Variants in METTL6 observed in about 807,000 individuals in gnomAD.
METTL6 encodes the protein methyltransferase 6, tRNA N3-cytidine, also known as tRNA N(3)-cytidine methyltransferase METTL6.
METTL6 carries 22 observed loss-of-function variants against 26.4 expected under a neutral mutation model. The ratio of observed to expected loss-of-function variants is 0.83; its 90% CI spans 0.59 to 1.19. METTL6 has a LOEUF of 1.19. Ranked by LOEUF, METTL6 falls within the 50% of genes most tolerant of loss-of-function variation. The pLI, the probability that METTL6 is intolerant of heterozygous loss-of-function variation, is 0.00. For synonymous variants in METTL6, 109 were observed against 116.2 expected (o/e 0.94, Z 0.40); for missense variants, 304 against 324.8 (o/e 0.94, Z 0.49).
intron 6 of METTL6, among the ~76,000 whole-genome samples, chr3:15,392,977 C>A (rs975527181): frequency 5.3e-5 from 8 of 152,148 alleles, no homozygotes; most frequent in African/African-American, 1.9e-4. Context: ...CTTGGCAATG[C>A]GGGCTCTTTT....
chr3:15,400,560 C>A (rs1699612757), intron 6 of METTL6, among the ~76,000 whole-genome samples: 1 of 152,132 alleles, frequency 6.6e-6, no homozygotes, highest in South Asian at 2.1e-4. Flanking sequence ...TCATTTAGCT[C>A]ATGGTGGGTA....
At chr3:15,405,371 C>T (rs567646341), downstream of METTL6, among the ~76,000 whole-genome samples, 3 of 152,174 alleles carry the variant, frequency 2.0e-5, no homozygotes, top group East Asian at 1.9e-4. Context: ...CCAGTGAGGC[C>T]AAAATTGATC....
chr3:15,425,193 C>A (rs941631367), intron 2 of METTL6, 104 bp from the exon 3 acceptor site: 2 of 1,226,992 alleles, frequency 1.6e-6, no homozygotes, highest in African/African-American at 3.0e-5. Flanking sequence ...CCCCATGGAG[C>A]AGACGATCAA....
chr3:15,424,249 T>C (rs551377054), intron 3 of METTL6, among the ~76,000 whole-genome samples: 6 of 152,304 alleles, frequency 3.9e-5, no homozygotes, highest in Admixed American at 6.5e-5. Flanking sequence ...TGGATGTTAA[T>C]AACATTGGGG....
chr3:15,398,450 T>C (rs571876119), intron 6 of METTL6, among the ~76,000 whole-genome samples: 1 of 152,232 alleles, frequency 6.6e-6, no homozygotes, highest in South Asian at 2.1e-4. Flanking sequence ...TGTCTCAGCC[T>C]CCCAAAGTGC....
intron 6 of METTL6, among the ~76,000 whole-genome samples, chr3:15,393,665 C>T (rs191448349): frequency 2.6e-5 from 4 of 152,198 alleles, no homozygotes; most frequent in African/African-American, 9.6e-5. Flanking sequence ...TTTTGAGATA[C>T]GTCCCATCAG....
intron 3 of METTL6, among the ~76,000 whole-genome samples, chr3:15,419,884 C>G (rs2061572611): frequency 7.5e-6 from 1 of 133,842 alleles, no homozygotes; most frequent in African/African-American, 2.9e-5. Context: ...TTTTTTGAGA[C>G]AGAGTCTCGC....
At chr3:15,409,369 C>CATTCCTTAACCT (rs1699885609), downstream of METTL6, among the ~76,000 whole-genome samples, 1 of 152,076 alleles carries the variant, frequency 6.6e-6, no homozygotes, top group Non-Finnish European at 1.5e-5. Flanking sequence ...AGGCTCAACT[C>CATTCCTTAACCT]GTGAGCAGAA....
rs574695685 is a variant in METTL6 at position 15,417,486 on chromosome 3, A to AATAAATAG, written c.361-1545_361-1544insCTATTTAT. On this transcript the variant is annotated intron_variant, in intron 3 of 5. Coordinates refer to ENST00000383790, the MANE Select transcript of METTL6 (RefSeq NM_152396.4). ...AAATAAATAAATAAATAAATAAATA[A>AATAAATAG]AATAGAATGAAGAATAATAAAGGAG... 1.9e-3 allele frequency among the ~76,000 whole-genome samples: 287 copies of AATAAATAG among 150,962 alleles called. 2 individuals carry two copies. The highest frequency in any genetic ancestry group is 0.014 in the Middle Eastern group (4 of 292).
In METTL6 at chr3:15,425,022, A is replaced by C. The variant is rs202091762; in HGVS notation, c.293T>G (p.Leu98Ter). Residue 98 changes from leucine to a stop codon, truncating the protein, a stop_gained, in exon 3 of 6, where the codon TTA (leucine) becomes TGA (stop). Transcript: ENST00000383790. LOFTEE classifies it high-confidence loss of function. The stretch of plus-strand genomic sequence containing the variant: ...GGCAAAGATATTCGGATCTTCTTCT[A>C]AAAGTGGGAATAAACAGTTTCCAAC... ...CGVGNCLFPL[L>*]EEDPNIFAYA... 6.2e-7 allele frequency: 1 copy of C among 1,614,218 alleles called. No individual in the cohort carries two copies. Among genetic ancestry groups the C allele is most frequent in the Non-Finnish European group, 8.5e-7 (1 of 1,180,028 alleles).
At chr3:15,423,571 A>G (rs902210190) in intron 3 of METTL6, among the ~76,000 whole-genome samples, 80 of 152,102 alleles carry the variant, frequency 5.3e-4, no homozygotes, top group Non-Finnish European at 1.1e-3. Context: ...CATCTCTACA[A>G]AAATTTAAAA....
At chr3:15,393,247 T>G (rs1242571765) in intron 6 of METTL6, among the ~76,000 whole-genome samples, 1 of 152,242 alleles carries the variant, frequency 6.6e-6, no homozygotes, top group East Asian at 1.9e-4. Flanking sequence ...TATTTCATTC[T>G]CTTTGAAGCA....
At chr3:15,387,818 T>TG (rs1212013999) in intron 6 of METTL6, among the ~76,000 whole-genome samples, 2 of 146,206 alleles carry the variant, frequency 1.4e-5, no homozygotes, top group African/African-American at 5.2e-5. Flanking sequence ...AAAAAAAGAT[T>TG]TTTTTTTTTT....
chr3:15,414,331 C>A, intron 4 of METTL6, 169 bp from the exon 5 acceptor site: 2 of 1,403,288 alleles, frequency 1.4e-6, no homozygotes, highest in Non-Finnish European at 1.8e-6. Flanking sequence ...TAAGACCAGG[C>A]AGGGCTCCAT....
chr3:15,405,040 C>T (rs577722740), downstream of METTL6, among the ~76,000 whole-genome samples: 13 of 152,306 alleles, frequency 8.5e-5, no homozygotes, highest in African/African-American at 2.6e-4. Context: ...ATAATATCTG[C>T]GTGAGGCAGA....
At chr3:15,408,133 G>T (rs9847430), downstream of METTL6, among the ~76,000 whole-genome samples, 80,046 of 151,912 alleles carry the variant, frequency 0.53, 21,749 homozygotes, top group African/African-American at 0.66. Flanking sequence ...TTTTTGGGGA[G>T]AATTTTAAAA....
chr3:15,415,419 A>G, intron 4 of METTL6: 3 of 1,366,712 alleles, frequency 2.2e-6, no homozygotes, highest in Non-Finnish European at 3.0e-6. Context: ...GGCATCCCAA[A>G]GTGTTGGGAT....
At chr3:15,411,470 C>T (rs775629423) in intron 5 of METTL6, 33 bp from the exon 6 acceptor site, 1 of 1,595,292 alleles carries the variant, frequency 6.3e-7, no homozygotes, top group Admixed American at 1.8e-5. Flanking sequence ...GCTCAACAGT[C>T]TTCATAACAT....
chr3:15,408,223 AGGG>A (rs1699853572), downstream of METTL6, among the ~76,000 whole-genome samples: 3 of 152,186 alleles, frequency 2.0e-5, no homozygotes, highest in African/African-American at 4.8e-5. Context: ...AACGAGACAC[AGGG>A]GTGGCGTGGG....
Sources: allele counts gnomAD v4.1 joint callset (sites outside exome capture counted in the v4.1 genomes callset), GRCh38; gene constraint gnomAD v4.1.1; transcripts MANE v1.5; gene names NCBI Gene and HGNC (gene_info 2026-07-23, HGNC 2026-07-21).